Variants in MVB12B observed in about 807,000 individuals in gnomAD.
MVB12B encodes the protein ESCRT-I complex subunit MVB12B.
Under a neutral mutation model 41.6 loss-of-function variants are expected in MVB12B, and 16 were observed. The ratio of observed to expected loss-of-function variants is 0.38; its 90% CI spans 0.26 to 0.58. The LOEUF is 0.58. MVB12B is among the 20% of genes least tolerant of loss of function. The probability of loss-of-function intolerance (pLI) is 0.62; values close to 1 mark genes in which losing one functional copy is unlikely to be tolerated. For synonymous variants in MVB12B, 133 were observed against 139.7 expected (o/e 0.95, Z 0.34); for missense variants, 274 against 380.2 (o/e 0.72, Z 2.32).
At chr9:126,434,342 T>C (rs532587220) in intron 7 of MVB12B, among the ~76,000 whole-genome samples, 1 of 152,354 alleles carries the variant, frequency 6.6e-6, no homozygotes, top group African/African-American at 2.4e-5. Context: ...CAGATTTGTC[T>C]TACAATTGTC....
At chr9:126,499,296 C>T (rs1476787515) in intron 9 of MVB12B, among the ~76,000 whole-genome samples, 2 of 152,154 alleles carry the variant, frequency 1.3e-5, no homozygotes, top group Non-Finnish European at 2.9e-5. Context: ...CTGACAGTTA[C>T]ATCTCTTTCC....
chr9:126,333,682 G>A lies in MVB12B; in HGVS notation c.81+6672G>A, dbSNP rs907829881. On this transcript the variant is annotated intron_variant, in intron 1 of 9. Transcript: ENST00000361171. The surrounding 1 kb of genome is among the most constrained non-coding windows in gnomAD (Gnocchi z 4.7). ...GCCTCAGAGTGCTGGGATTACAGGC[G>A]TGAGCCACCATGCCCGTGTGTGACC... Among the ~76,000 whole-genome samples, 13 of 152,194 alleles carry A rather than the reference G, an allele frequency of 8.5e-5. No homozygotes were observed. Among genetic ancestry groups the A allele is most frequent in the Admixed American group, 2.0e-4 (3 of 15,272 alleles).
rs1003676390 is a variant in MVB12B at position 126,414,981 on chromosome 9, C to T, written c.663-6873C>T. ...CTGGGTTCAAGTGACCCACTCGCCT[C>T]GGCCTTCCAAAGTCCTGGGATTATA... On this transcript the variant is annotated intron_variant, in intron 6 of 9. Coordinates refer to ENST00000361171, the MANE Select transcript of MVB12B (RefSeq NM_033446.3). 5.3e-5 allele frequency among the ~76,000 whole-genome samples: 8 copies of T among 152,126 alleles called. No homozygotes were observed. The South Asian group carries it at 6.2e-4, about 12-fold the overall frequency.
At chr9:126,470,199 G>A (rs1172032063) in intron 7 of MVB12B, among the ~76,000 whole-genome samples, 3 of 152,108 alleles carry the variant, frequency 2.0e-5, no homozygotes, top group African/African-American at 7.2e-5. Context: ...CCCAGGGGCT[G>A]TGAGTCCCAA....
Position 126,471,234 on chromosome 9 carries a change from C to G in MVB12B, c.758-10135C>G, listed in dbSNP as rs139790562. Among the ~76,000 whole-genome samples the G allele has an allele frequency of 1.5e-3, 227 of 152,336 alleles. 9 individuals are homozygous for G. The East Asian group carries it at 0.036, about 24-fold the overall frequency. On this transcript the variant is annotated intron_variant, in intron 7 of 9. Transcript: ENST00000361171. ...TCTTTCCTGTTGCTGTCTGATCCCT[C>G]AGCGGTGCTGCGGAGTGGGCACAAT...
chr9:126,503,263 A>G lies in MVB12B; in HGVS notation c.960A>G (p.Ter320TrpextTer16). 1 of 1,549,964 alleles carries G rather than the reference A, an allele frequency of 6.5e-7. No individual in the cohort carries two copies. The highest frequency in any genetic ancestry group is 8.7e-7 in the Non-Finnish European group (1 of 1,146,634). ...GGTGTCAGCAGATCCCGCAGTCCTG[A>G]GGAGCCAGCGGCCACCTGCGGGGAG... ...PTRCQQIPQS[*>W] Residue 320 changes from the stop codon to tryptophan, a stop_lost, in exon 10 of 10, where the codon TGA (stop) becomes TGG (tryptophan). Transcript: ENST00000361171.
Position 126,340,655 on chromosome 9 carries a change from A to G in MVB12B, c.204+25A>G. The G allele has an allele frequency of 6.2e-7, 1 of 1,610,152 alleles. No individual in the cohort carries two copies. Among genetic ancestry groups the G allele is most frequent in the Non-Finnish European group, 8.5e-7 (1 of 1,177,216 alleles). On this transcript the variant is annotated intron_variant, in intron 2 of 9. Coordinates refer to ENST00000361171, the MANE Select transcript of MVB12B (RefSeq NM_033446.3). This position sits in a 1 kb window ranked among gnomAD's most constrained non-coding sequence, Gnocchi z 4.0. Reference sequence around the variant, plus strand: ...AGTAAGTCAAGATACTAGTTTGTACATTTTGCTCACTGATTCTACAAGTAT... The same window carrying G: ...AGTAAGTCAAGATACTAGTTTGTACGTTTTGCTCACTGATTCTACAAGTAT...
At chr9:126,430,462 G>A (rs889107055) in intron 7 of MVB12B, among the ~76,000 whole-genome samples, 9 of 151,990 alleles carry the variant, frequency 5.9e-5, no homozygotes, top group African/African-American at 1.7e-4. Context: ...TTCCTCTCCC[G>A]CTGCTGATGC....
intron 4 of MVB12B, among the ~76,000 whole-genome samples, chr9:126,388,925 C>T (rs757858820): frequency 2.6e-5 from 4 of 152,282 alleles, no homozygotes; most frequent in African/African-American, 7.2e-5. Context: ...CATTGGTGTT[C>T]GTTTTTTGAC....
intron 2 of MVB12B, among the ~76,000 whole-genome samples, chr9:126,378,160 T>C (rs986011782): frequency 2.6e-5 from 4 of 152,178 alleles, no homozygotes; most frequent in Non-Finnish European, 5.9e-5. Context: ...TGCTGGGACC[T>C]GAGGCTGACT....
At chr9:126,482,543 G>A (rs761302319) in intron 8 of MVB12B, among the ~76,000 whole-genome samples, 1 of 152,358 alleles carries the variant, frequency 6.6e-6, no homozygotes, top group East Asian at 1.9e-4. Context: ...CTCTGCCGCC[G>A]TTCCCTGGGA....
intron 7 of MVB12B, among the ~76,000 whole-genome samples, chr9:126,445,358 G>A (rs1264042578): frequency 6.6e-6 from 1 of 152,200 alleles, no homozygotes; most frequent in East Asian, 1.9e-4. Context: ...CCAGGCTGGA[G>A]TACAGTGGTG....
chr9:126,376,363 C>CTTT lies in MVB12B; in HGVS notation c.205-4697_205-4695dup. ...ATTCTCTTTGCTACCTTCAAGCTCC[C>CTTT]TTTTTTCTATTTTGGGCCCTTCTGT... On this transcript the variant is annotated intron_variant, in intron 2 of 9. Transcript: ENST00000361171. This position sits in a 1 kb window ranked among gnomAD's most constrained non-coding sequence, Gnocchi z 4.1. 1 of 496,902 alleles carries CTTT rather than the reference C, an allele frequency of 2.0e-6. No homozygotes were observed. The highest frequency in any genetic ancestry group is 2.7e-5 in the Admixed American group (1 of 36,826). The allele number at this position is 496,902 out of a possible 1,614,324, so 30.8% of individuals were successfully genotyped here. A position where few individuals can be genotyped will look rare whatever the true frequency, so the allele number is the denominator to read the frequency against.
At chr9:126,441,639 T>C (rs1832643005) in intron 7 of MVB12B, among the ~76,000 whole-genome samples, 1 of 152,222 alleles carries the variant, frequency 6.6e-6, no homozygotes. Context: ...ATGGGACTGA[T>C]TATTATATAG....
rs1834029414 is a variant in MVB12B at position 126,504,602 on chromosome 9, G to A, written c.*1339G>A. On this transcript the variant is annotated 3_prime_UTR_variant, in exon 10 of 10. Coordinates refer to ENST00000361171, the MANE Select transcript of MVB12B (RefSeq NM_033446.3). ...AGGCCCAGAGGAACGGGAGGAAAGG[G>A]AGGCAGCGCCGGACGGCGCAGCTGG... 1 of 152,842 alleles carries A rather than the reference G, an allele frequency of 6.5e-6. No individual in the cohort carries two copies. The highest frequency in any genetic ancestry group is 1.5e-5 in the Non-Finnish European group (1 of 68,230). The allele number at this position is 152,842 out of a possible 1,614,324, so 9.5% of individuals were successfully genotyped here.
intron 2 of MVB12B, among the ~76,000 whole-genome samples, chr9:126,360,405 A>G (rs1238539495): frequency 6.6e-6 from 1 of 152,230 alleles, no homozygotes; most frequent in African/African-American, 2.4e-5. Flanking sequence ...TTGAAAAAAT[A>G]TAAAACTATC....
chr9:126,414,090 A>G (rs1480993474), intron 6 of MVB12B, among the ~76,000 whole-genome samples: 1 of 152,222 alleles, frequency 6.6e-6, no homozygotes. Flanking sequence ...ATTTAAATTA[A>G]CAAGGAAAAA....
At chr9:126,445,308 T>C (rs1832739051) in intron 7 of MVB12B, among the ~76,000 whole-genome samples, 1 of 152,186 alleles carries the variant, frequency 6.6e-6, no homozygotes, top group Non-Finnish European at 1.5e-5. Flanking sequence ...GTTTTGGTTT[T>C]TGTTTTGTTT....
At chr9:126,373,371 T>G (rs1830394000) in intron 2 of MVB12B, among the ~76,000 whole-genome samples, 1 of 152,258 alleles carries the variant, frequency 6.6e-6, no homozygotes, top group Non-Finnish European at 1.5e-5. Context: ...TTTAAGTGGC[T>G]CACAGTTGCC....
Sources: allele counts gnomAD v4.1 joint callset (sites outside exome capture counted in the v4.1 genomes callset), GRCh38; gene constraint gnomAD v4.1.1; non-coding constraint Gnocchi (gnomAD v3.1); transcripts MANE v1.5; gene names NCBI Gene and HGNC (gene_info 2026-07-23, HGNC 2026-07-21).